The following DOCK7 variants were observed in gnomAD, a reference collection of about 807,000 sequenced individuals.
DOCK7 encodes the protein dedicator of cytokinesis 7.
Under a neutral mutation model 271.0 loss-of-function variants are expected in DOCK7, and 138 were observed. The ratio of observed to expected loss-of-function variants is 0.51; its 90% CI spans 0.44 to 0.59. The LOEUF (loss-of-function observed/expected upper bound fraction) is 0.59, where lower values mean the gene tolerates loss of function less well. Among genes scored for constraint, DOCK7 ranks in the 20% least tolerant of loss-of-function variants. DOCK7 has a pLI of 0.00. For synonymous variants in DOCK7, 823 were observed against 876.1 expected (o/e 0.94, Z 1.07); for missense variants, 2,066 against 2,592.4 (o/e 0.80, Z 4.41).
At chr1:62,620,744 CG>C (rs1653091775) in intron 12 of DOCK7, among the ~76,000 whole-genome samples, 1 of 151,514 alleles carries the variant, frequency 6.6e-6, no homozygotes, top group South Asian at 2.1e-4. Flanking sequence ...ATTAGCCGGG[CG>C]GGATGGCAGG....
At chr1:62,635,094 T>G (rs1179764161) in intron 8 of DOCK7, 172 bp from the exon 9 acceptor site, 3 of 418,084 alleles carry the variant, frequency 7.2e-6, no homozygotes, top group Middle Eastern at 1.3e-3. Flanking sequence ...AAATTAAATT[T>G]CTATTTTCTT....
At chr1:62,524,957 T>TATATATATATATATATATATATATATA (rs1557666274) in intron 31 of DOCK7, among the ~76,000 whole-genome samples, 3 of 82,654 alleles carry the variant, frequency 3.6e-5, no homozygotes, top group Non-Finnish European at 7.2e-5. Flanking sequence ...ATATATATAT[T>TATATATATATATATATATATATATATA]ACTATAAACT....
chr1:62,508,085 T>C lies in DOCK7; in HGVS notation c.4380-27A>G, dbSNP rs372574413. 5.8e-6 allele frequency: 9 copies of C among 1,555,348 alleles called. No individual in the cohort carries two copies. In the African/African-American group the frequency reaches 7.0e-5, roughly 12 times the overall value. The stretch of plus-strand genomic sequence containing the variant: ...TAATACAAAATATTGTAAGAAATTA[T>C]ATTTATCTTTTTGAAAACTACAATT... On this transcript the variant is annotated intron_variant, in intron 34 of 49. Transcript: ENST00000635253.
intron 4 of DOCK7, among the ~76,000 whole-genome samples, chr1:62,653,146 T>C (rs1173277966): frequency 6.6e-6 from 1 of 152,212 alleles, no homozygotes; most frequent in Non-Finnish European, 1.5e-5. Flanking sequence ...ATTATGCAAA[T>C]TAGCAAATGA....
intron 15 of DOCK7, chr1:62,584,015 G>T: frequency 4.9e-6 from 2 of 409,110 alleles, no homozygotes; most frequent in Non-Finnish European, 6.6e-6. Flanking sequence ...TATCTAGCCA[G>T]AGATTAAACT....
intron 37 of DOCK7, 100 bp downstream of exon 37, chr1:62,504,530 T>A: frequency 7.9e-7 from 1 of 1,268,404 alleles, no homozygotes; most frequent in South Asian, 1.6e-5. Context: ...ACTAAAAATA[T>A]ACAAAAAACT....
intron 4 of DOCK7, among the ~76,000 whole-genome samples, chr1:62,651,149 C>T (rs542778896): frequency 1.3e-5 from 2 of 151,788 alleles, no homozygotes; most frequent in Admixed American, 1.3e-4. Context: ...TTTGTAGGGA[C>T]ATGGATGAAG....
chr1:62,491,369 T>G (rs1646460147), intron 41 of DOCK7, among the ~76,000 whole-genome samples: 2 of 152,226 alleles, frequency 1.3e-5, no homozygotes, highest in Non-Finnish European at 2.9e-5. Flanking sequence ...GCTGGTACAC[T>G]AAACATTTAG....
intron 14 of DOCK7, among the ~76,000 whole-genome samples, chr1:62,596,133 G>C (rs1649205310): frequency 6.6e-6 from 1 of 151,996 alleles, no homozygotes; most frequent in Non-Finnish European, 1.5e-5. Context: ...CTAGCATTTT[G>C]AGCACTACCT....
Position 62,488,881 on chromosome 1 carries a change from G to A in DOCK7, c.5493+53C>T, listed in dbSNP as rs552587034. 6.0e-5 allele frequency: 97 copies of A among 1,608,146 alleles called. No homozygotes were observed. The African/African-American group carries it at 1.2e-3, about 21-fold the overall frequency. ...GACATCAGTGCAAAACAACATTAAT[G>A]CTTTCAGACAGTTTTTTCCCTTTAT... On this transcript the variant is annotated intron_variant, in intron 42 of 49. Transcript: ENST00000635253.
chr1:62,547,343 TTA>T (rs1318279198), intron 22 of DOCK7, among the ~76,000 whole-genome samples: 2 of 152,172 alleles, frequency 1.3e-5, no homozygotes, highest in Non-Finnish European at 2.9e-5. Context: ...TATAATAACT[TTA>T]TGTTTACCAA....
intron 22 of DOCK7, among the ~76,000 whole-genome samples, chr1:62,550,587 A>G (rs950779885): frequency 1.3e-5 from 2 of 152,316 alleles, no homozygotes; most frequent in Non-Finnish European, 2.9e-5. Flanking sequence ...AATGAGATCA[A>G]TCACCATGGT....
chr1:62,576,511 T>C (rs1646945373), intron 18 of DOCK7, among the ~76,000 whole-genome samples: 1 of 152,262 alleles, frequency 6.6e-6, no homozygotes, highest in African/African-American at 2.4e-5. Context: ...TAGCCTTGAA[T>C]TGTTTTTTAA....
At chr1:62,686,945 A>C (rs1350952655) in intron 1 of DOCK7, among the ~76,000 whole-genome samples, 1 of 151,490 alleles carries the variant, frequency 6.6e-6, no homozygotes, top group Non-Finnish European at 1.5e-5. Flanking sequence ...CACCTGGCTA[A>C]TTTTTTTGCA....
chr1:62,636,870 T>G lies in DOCK7; in HGVS notation c.819-267A>C, dbSNP rs76150158. The stretch of plus-strand genomic sequence containing the variant: ...CCTAAAAGCCTAATGACATATTATG[T>G]CCATTCTGAGGCACTAATCACTTTC... On this transcript the variant is annotated intron_variant, in intron 7 of 49. Coordinates refer to ENST00000635253, the MANE Select transcript of DOCK7 (RefSeq NM_001367561.1). 0.044 allele frequency among the ~76,000 whole-genome samples: 6,747 copies of G among 152,302 alleles called. 175 individuals carry two copies. Among genetic ancestry groups the G allele is most frequent in the Non-Finnish European group, 0.066 (4,491 of 67,994 alleles).
chr1:62,636,604 C>A lies in DOCK7; in HGVS notation c.819-1G>T. The stretch of plus-strand genomic sequence containing the variant: ...AATGGGTTCAATTTCAATTTCAAAC[C>A]TTTATGAAGAAAAAGGATAAAATAA... On this transcript the variant is annotated splice_acceptor_variant, in intron 7 of 49. Transcript: ENST00000635253. LOFTEE classifies it high-confidence loss of function. 1 of 1,590,536 alleles carries A rather than the reference C, an allele frequency of 6.3e-7. No individual in the cohort carries two copies. The highest frequency in any genetic ancestry group is 8.6e-7 in the Non-Finnish European group (1 of 1,165,192).
At chr1:62,477,648 CAG>C (rs1646005157) in intron 44 of DOCK7, 50 bp downstream of exon 44, 2 of 1,505,682 alleles carry the variant, frequency 1.3e-6, no homozygotes, top group East Asian at 4.8e-5. Flanking sequence ...GTCTAATCAT[CAG>C]AGAGAATACA....
rs537137744 is a variant in DOCK7 at position 62,457,317 on chromosome 1, T to TGA, written c.6380+219_6380+220dup. On this transcript the variant is annotated intron_variant, in intron 49 of 49. Transcript: ENST00000635253. ...ATCAGAGACTTTTTAAGCGCTGACA[T>TGA]GATGCTCAAAGGAAATGCTCACTGG... Among the ~76,000 whole-genome samples the TGA allele has an allele frequency of 1.3e-3, 194 of 152,288 alleles. 2 individuals are homozygous for TGA. Among genetic ancestry groups the TGA allele is most frequent in the African/African-American group, 4.6e-3 (191 of 41,560 alleles).
intron 48 of DOCK7, 117 bp downstream of exon 48, chr1:62,473,864 TG>T: frequency 1.5e-6 from 1 of 688,740 alleles, no homozygotes; most frequent in East Asian, 2.7e-5. Flanking sequence ...AGATTGCAGG[TG>T]TAAGCCACTG....
Sources: gnomAD v4.1 joint callset for allele counts (sites outside exome capture counted in the v4.1 genomes callset) on GRCh38, gnomAD v4.1.1 for gene constraint, MANE v1.5 for transcripts, NCBI Gene and HGNC (gene_info 2026-07-23, HGNC 2026-07-21) for gene names.